TTC24: variants seen among roughly 807,000 people sequenced by gnomAD.
TTC24 encodes tetratricopeptide repeat protein 24.
In TTC24, 54 loss-of-function variants were observed where a neutral mutation model predicts 63.3. That is an observed-to-expected ratio of 0.85 (90% CI 0.69 to 1.07). The LOEUF is 1.07. Ranked by LOEUF, TTC24 falls within the 50% of genes least tolerant of loss-of-function variation. TTC24 has a pLI of 0.00. For missense variants in TTC24, 680 were observed against 730.5 expected (o/e 0.93, Z 0.80); for synonymous variants, 276 against 304.3 (o/e 0.91, Z 0.97).
rs1273707138 is a variant in TTC24 at position 156,586,642 on chromosome 1, G to A, written c.*92G>A. On this transcript the variant is annotated 3_prime_UTR_variant, in exon 11 of 11. Transcript: ENST00000368236. ...CTGGGGACCAAGCCTCTTCCCAGTTGCTCAGCCCTGCAGGGATGTGGAACA... is the reference window on the plus strand; with the variant it reads ...CTGGGGACCAAGCCTCTTCCCAGTTACTCAGCCCTGCAGGGATGTGGAACA... 30 of 1,164,440 alleles carry A rather than the reference G, an allele frequency of 2.6e-5. No homozygotes were observed. The East Asian group carries it at 7.6e-4, about 30-fold the overall frequency. The allele number at this position is 1,164,440 out of a possible 1,614,324, so 72.1% of individuals were successfully genotyped here.
Position 156,585,972 on chromosome 1 carries a change from C to A in TTC24, c.1594C>A (p.Pro532Thr). ...AGGTCCAGGACCCAGGGCCCATCTT[C>A]CATTTGTAGGTCCAGGCCCTCCCAG... ...IYSPGPRAHL[P>T]FVGPGPPRAE... The change falls in exon 10 of 11, where the codon CCA (proline) becomes ACA (threonine). Residue 532 changes from proline (P) to threonine (T), a missense_variant. Transcript: ENST00000368236. 1 of 1,599,130 alleles carries A rather than the reference C, an allele frequency of 6.3e-7. No homozygotes were observed. Among genetic ancestry groups the A allele is most frequent in the Non-Finnish European group, 8.5e-7 (1 of 1,172,354 alleles).
intron 1 of TTC24, among the ~76,000 whole-genome samples, 191 bp downstream of exon 1, chr1:156,579,949 C>T (rs1234823337): frequency 6.6e-6 from 1 of 152,150 alleles, no homozygotes; most frequent in Non-Finnish European, 1.5e-5. Context: ...TGGGAGGGGT[C>T]AAGAGCCCAG....
In TTC24 at chr1:156,586,640, T is replaced by A. The variant is rs150489337; in HGVS notation, c.*90T>A. ...TCCTGGGGACCAAGCCTCTTCCCAG[T>A]TGCTCAGCCCTGCAGGGATGTGGAA... On this transcript the variant is annotated 3_prime_UTR_variant, in exon 11 of 11. Coordinates refer to ENST00000368236, the MANE Select transcript of TTC24 (RefSeq NM_001105669.4). The A allele has an allele frequency of 6.3e-4, 752 of 1,200,466 alleles. 9 individuals carry two copies. The African/African-American group carries it at 0.01, about 16-fold the overall frequency. The allele number at this position is 1,200,466 out of a possible 1,614,324, so 74.4% of individuals were successfully genotyped here. A position where few individuals can be genotyped will look rare whatever the true frequency, so the allele number is the denominator to read the frequency against.
In TTC24 at chr1:156,583,518, C is replaced by A; in HGVS notation, c.1152+68C>A. The A allele has an allele frequency of 7.7e-7, 1 of 1,291,714 alleles. No individual in the cohort carries two copies. Among genetic ancestry groups the A allele is most frequent in the Non-Finnish European group, 1.1e-6 (1 of 934,618 alleles). The allele number at this position is 1,291,714 out of a possible 1,614,324, so 80.0% of individuals were successfully genotyped here. On this transcript the variant is annotated intron_variant, in intron 5 of 10. Coordinates refer to ENST00000368236, the MANE Select transcript of TTC24 (RefSeq NM_001105669.4). This position sits in a 1 kb window ranked among gnomAD's most constrained non-coding sequence, Gnocchi z 4.0. Reference sequence around the variant, plus strand: ...CTCTTCTGGCTGACATTCCTGCCTTCACTCCTTGTCTTCTCCCCATCACTC... The same window carrying A: ...CTCTTCTGGCTGACATTCCTGCCTTAACTCCTTGTCTTCTCCCCATCACTC...
rs1677179636 is a variant in TTC24 at position 156,586,532 on chromosome 1, C to A, written c.1731C>A (p.Gly577=). The A allele has an allele frequency of 6.2e-7, 1 of 1,613,380 alleles. No individual in the cohort carries two copies. The highest frequency in any genetic ancestry group is 8.5e-7 in the Non-Finnish European group (1 of 1,179,712). The part of the protein sequence containing the change: ...RSRQRRPMES[G]ICTIV ...GCCAGAGGAGACCCATGGAGTCGGG[C>A]ATCTGCACTATTGTGTGACCTCCCC... Residue 577 remains glycine, a synonymous_variant, in exon 11 of 11, where the codon GGC becomes GGA. Transcript: ENST00000368236.
intron 9 of TTC24, 57 bp downstream of exon 9, chr1:156,585,883 T>C: frequency 1.3e-6 from 2 of 1,597,006 alleles, no homozygotes; most frequent in Non-Finnish European, 1.7e-6. Context: ...TCAGAGCTTT[T>C]TTCCACCATG....
At position 156,585,984 on chromosome 1, in the gene TTC24, C is replaced by T. The variant is rs1219979345; in HGVS notation, c.1606C>T (p.Pro536Ser). The T allele has an allele frequency of 1.3e-6, 2 of 1,593,520 alleles. No individual in the cohort carries two copies. Among genetic ancestry groups the T allele is most frequent in the Admixed American group, 3.5e-5 (2 of 56,702 alleles). The change falls in exon 10 of 11, where the codon CCA becomes TCA. Residue 536 changes from proline to serine, a missense_variant. Transcript: ENST00000368236. ...CAGGGCCCATCTTCCATTTGTAGGTCCAGGCCCTCCCAGAGCGGAGTACCC... is the reference window on the plus strand; with the variant it reads ...CAGGGCCCATCTTCCATTTGTAGGTTCAGGCCCTCCCAGAGCGGAGTACCC... ...GPRAHLPFVG[P>S]GPPRAEYPSI...
Position 156,587,306 on chromosome 1 carries a change from G to C in TTC24, c.*756G>C, listed in dbSNP as rs1177709120. 6.6e-6 allele frequency among the ~76,000 whole-genome samples: 1 copy of C among 152,000 alleles called. No homozygotes were observed. On this transcript the variant is annotated 3_prime_UTR_variant, in exon 11 of 11. Transcript: ENST00000368236. ...ATATGAGGTGCTATTATCCCCTTTC[G>C]CAAATGAGGAAAATAAGGCACAAAG...
In TTC24 at chr1:156,582,016, G is replaced by T; in HGVS notation, c.652G>T (p.Val218Leu). ...GCATCGGGTGGGGGAAGTTGTGCAG[G>T]TGCTGGAGAAAAGCCGGAGGCTTGC... ...GRHRVGEVVQ[V>L]LEKSRRLAER... Residue 218 changes from valine (V) to leucine (L), a missense_variant, in exon 2 of 11, where the codon GTG becomes TTG. Transcript: ENST00000368236. 1 of 1,489,274 alleles carries T rather than the reference G, an allele frequency of 6.7e-7. No homozygotes were observed. Among genetic ancestry groups the T allele is most frequent in the Non-Finnish European group, 8.9e-7 (1 of 1,121,078 alleles). The allele number at this position is 1,489,274 out of a possible 1,614,324, so 92.3% of individuals were successfully genotyped here.
rs185041401 is a variant in TTC24 at position 156,581,682 on chromosome 1, C to T, written c.318C>T (p.His106=). ...GCCTTGAGCTACTCCTGCGAGCCCA[C>T]CCTGAAGAGAAGGCACAGGGCAGGC... ...ARGLELLLRA[H]PEEKAQGRRH... Residue 106 remains histidine, a synonymous_variant, in exon 2 of 11, where the codon CAC becomes CAT. Transcript: ENST00000368236. 1.3e-6 allele frequency: 2 copies of T among 1,551,790 alleles called. No homozygotes were observed. The highest frequency in any genetic ancestry group is 1.4e-5 in the African/African-American group (1 of 73,186).
chr1:156,583,761 C>A lies in TTC24; in HGVS notation c.1153-36C>A. 1 of 1,511,190 alleles carries A rather than the reference C, an allele frequency of 6.6e-7. No individual in the cohort carries two copies. The highest frequency in any genetic ancestry group is 9.0e-7 in the Non-Finnish European group (1 of 1,109,330). The allele number at this position is 1,511,190 out of a possible 1,614,324, so 93.6% of individuals were successfully genotyped here. ...CCCCCAGAGGACCATAAGGTCCAGGCATTCCCCATTACCCTATTATCCACC... is the reference window on the plus strand; with the variant it reads ...CCCCCAGAGGACCATAAGGTCCAGGAATTCCCCATTACCCTATTATCCACC... On this transcript the variant is annotated intron_variant, in intron 5 of 10. Transcript: ENST00000368236. This position sits in a 1 kb window ranked among gnomAD's most constrained non-coding sequence, Gnocchi z 4.0.
At position 156,581,806 on chromosome 1, in the gene TTC24, C is replaced by T. The variant is rs757716065; in HGVS notation, c.442C>T (p.Gln148Ter). Residue 148 changes from glutamine (Q) to a stop codon, truncating the protein, a stop_gained, in exon 2 of 11, where the codon CAG becomes TAG. Coordinates refer to ENST00000368236, the MANE Select transcript of TTC24 (RefSeq NM_001105669.4). LOFTEE classifies it high-confidence loss of function. The stretch of plus-strand genomic sequence containing the variant: ...GTACCACAGGGCCCTGGGCCACTAC[C>T]AGCCACAGGGTGACCAGGGAGAAGC... ...AWYHRALGHYQPQGDQGEAWA... is the reference protein window; with the variant it reads ...AWYHRALGHY 93 of 1,551,490 alleles carry T rather than the reference C, an allele frequency of 6.0e-5. No individual in the cohort carries two copies. The highest frequency in any genetic ancestry group is 1.4e-4 in the Admixed American group (7 of 50,992).
At position 156,582,911 on chromosome 1, in the gene TTC24, G is replaced by A. The variant is rs1278489640; in HGVS notation, c.911-131G>A. 1.8e-5 allele frequency: 21 copies of A among 1,165,762 alleles called. 1 individual carries two copies. The highest frequency in any genetic ancestry group is 5.9e-4 in the Middle Eastern group (2 of 3,384). The allele number at this position is 1,165,762 out of a possible 1,614,324, so 72.2% of individuals were successfully genotyped here. ...TGGGTGTGGAGGGTTCAGGCCTCTC[G>A]GATGCATCTGGAGTGTTCTGGGGCT... On this transcript the variant is annotated intron_variant, in intron 3 of 10. Transcript: ENST00000368236.
At chr1:156,586,398 G>C in intron 10 of TTC24, 71 bp from the exon 11 acceptor site, 1 of 1,375,428 alleles carries the variant, frequency 7.3e-7, no homozygotes. Flanking sequence ...GGGAAGCTGA[G>C]GCCAAGGCAG....
intron 2 of TTC24, 59 bp from the exon 3 acceptor site, chr1:156,582,171 GC>G (rs1340263643): frequency 3.3e-6 from 5 of 1,494,846 alleles, no homozygotes; most frequent in Non-Finnish European, 4.5e-6. Flanking sequence ...GTCGATAGGG[GC>G]TGTACCAGCC....
rs773667519 is a variant in TTC24 at position 156,585,218 on chromosome 1, G to T, written c.1443G>T (p.Pro481=). The change falls in exon 8 of 11, where the codon CCG becomes CCT. Residue 481 remains proline (P), a synonymous_variant. Coordinates refer to ENST00000368236, the MANE Select transcript of TTC24 (RefSeq NM_001105669.4). ...RSANVPVRAG[P]GRPELCFLPG... is the part of the protein sequence containing the mutation. ...CAAACGTTCCGGTGAGGGCTGGGCC[G>T]GGAAGACCAGAGCGTGAGTTGATGT... 6.2e-7 allele frequency: 1 copy of T among 1,611,382 alleles called. No homozygotes were observed. Among genetic ancestry groups the T allele is most frequent in the Non-Finnish European group, 8.5e-7 (1 of 1,178,754 alleles).
In TTC24 at chr1:156,583,510, C is replaced by T. The variant is rs1557957684; in HGVS notation, c.1152+60C>T. The T allele has an allele frequency of 3.0e-6, 4 of 1,353,208 alleles. No individual in the cohort carries two copies. Among genetic ancestry groups the T allele is most frequent in the Non-Finnish European group, 4.1e-6 (4 of 987,484 alleles). 83.8% of individuals were successfully genotyped at this position (1,353,208 alleles called of 1,614,324 possible). ...TGCTATCCCTCTTCTGGCTGACATT[C>T]CTGCCTTCACTCCTTGTCTTCTCCC... On this transcript the variant is annotated intron_variant, in intron 5 of 10. Coordinates refer to ENST00000368236, the MANE Select transcript of TTC24 (RefSeq NM_001105669.4). The surrounding 1 kb of genome is among the most constrained non-coding windows in gnomAD (Gnocchi z 4.0).
chr1:156,580,327 G>A (rs1034626205), intron 1 of TTC24, among the ~76,000 whole-genome samples: 1 of 152,112 alleles, frequency 6.6e-6, no homozygotes, highest in Non-Finnish European at 1.5e-5. Flanking sequence ...CACATAGCAG[G>A]GGCTCACTGA....
chr1:156,582,475 A>T (rs775357476), intron 3 of TTC24, 41 bp downstream of exon 3: 10 of 1,585,318 alleles, frequency 6.3e-6, no homozygotes, highest in Non-Finnish European at 8.6e-6. Flanking sequence ...GGACTAAGAC[A>T]CTAAGAAGGG....
Sources: gnomAD v4.1 joint callset for allele counts (sites outside exome capture counted in the v4.1 genomes callset) on GRCh38, gnomAD v4.1.1 for gene constraint, Gnocchi (gnomAD v3.1) non-coding constraint, MANE v1.5 for transcripts, NCBI Gene and HGNC (gene_info 2026-07-23, HGNC 2026-07-21) for gene names.